The following SYNPO2 variants were observed in gnomAD, a reference collection of about 807,000 sequenced individuals.
SYNPO2 encodes synaptopodin 2.
A neutral mutation model predicts 85.0 loss-of-function variants in SYNPO2; 56 were observed. The observed-to-expected ratio is 0.66, with a 90% CI of 0.53 to 0.82. The LOEUF (loss-of-function observed/expected upper bound fraction) is 0.82. Ranked by LOEUF, SYNPO2 falls within the 40% of genes least tolerant of loss-of-function variation. The pLI, the probability that SYNPO2 is intolerant of heterozygous loss-of-function variation, is 0.00. For missense variants in SYNPO2, 1,575 were observed against 1,534.2 expected, an observed-to-expected ratio of 1.03 and a Z score of -0.44; for synonymous variants, 602 against 591.1, an observed-to-expected ratio of 1.02 and a Z score of -0.27.
chr4:118,900,685 C>G (rs918251658), intron 1 of SYNPO2, among the ~76,000 whole-genome samples: 1 of 43,766 alleles, frequency 2.3e-5, no homozygotes, highest in Non-Finnish European at 5.4e-5. Context: ...CTCTCTCTCT[C>G]TCTCTCTCTC....
At chr4:118,866,217 T>C (rs1294430714) in intron 1 of SYNPO2, among the ~76,000 whole-genome samples, 1 of 152,164 alleles carries the variant, frequency 6.6e-6, no homozygotes, top group Non-Finnish European at 1.5e-5. Context: ...TGTGAGCCCA[T>C]TGTGTGCATT....
rs1738225206 is a variant in SYNPO2 at position 119,031,016 on chromosome 4, A to G, written c.2241A>G (p.Gln747=). 1.2e-6 allele frequency: 2 copies of G among 1,613,776 alleles called. No homozygotes were observed. Among genetic ancestry groups the G allele is most frequent in the African/African-American group, 2.7e-5 (2 of 74,806 alleles). ...SLGAEACNFM[Q]SSSAKQKTPP... ...GGGCAGAGGCTTGTAATTTCATGCA[A>G]AGCTCCTCTGCCAAACAAAAGACCC... Residue 747 remains glutamine (Q), a synonymous_variant, in exon 4 of 5, where the codon CAA becomes CAG. Transcript: ENST00000307142.
chr4:119,007,201 C>A (rs1316541257), intron 1 of SYNPO2, among the ~76,000 whole-genome samples: 1 of 94,882 alleles, frequency 1.1e-5, no homozygotes, highest in Non-Finnish European at 2.2e-5. Flanking sequence ...ATTCCCAAAA[C>A]AAAAAAGAAC....
chr4:119,030,568 A>T lies in SYNPO2; in HGVS notation c.1793A>T (p.Gln598Leu). The stretch of plus-strand genomic sequence containing the variant: ...AAACCCTTCCCAGGGTCTGTGAATC[A>T]GCCAGCTACCCCCTTCTCGCCAACC... ...TAKPFPGSVN[Q>L]PATPFSPTRN... Residue 598 changes from glutamine to leucine, a missense_variant, in exon 4 of 5, where the codon CAG (glutamine) becomes CTG (leucine). Around this residue, in one of 3 missense-constraint regions of SYNPO2, gnomAD observed 1,508 missense variants for 1,446.8 expected, o/e 1.04. Coordinates refer to ENST00000307142, the MANE Select transcript of SYNPO2 (RefSeq NM_133477.3). 1 of 1,614,190 alleles carries T rather than the reference A, an allele frequency of 6.2e-7. No homozygotes were observed. Among genetic ancestry groups the T allele is most frequent in the Non-Finnish European group, 8.5e-7 (1 of 1,180,044 alleles).
At chr4:118,927,769 A>AGAT (rs1449638730) in intron 1 of SYNPO2, among the ~76,000 whole-genome samples, 17 of 44,756 alleles carry the variant, frequency 3.8e-4, no homozygotes, top group East Asian at 2.5e-3. Context: ...ATATATAGAT[A>AGAT]GATAGATGAT....
intron 1 of SYNPO2, among the ~76,000 whole-genome samples, chr4:118,875,873 T>C (rs565386981): frequency 1.3e-5 from 2 of 152,352 alleles, no homozygotes; most frequent in East Asian, 1.9e-4. Context: ...ATTTCTTCAA[T>C]GGGCAGTGGC....
At chr4:118,902,571 C>T (rs969051029) in intron 1 of SYNPO2, among the ~76,000 whole-genome samples, 7 of 152,140 alleles carry the variant, frequency 4.6e-5, no homozygotes, top group Admixed American at 4.6e-4. Context: ...CCTCCCATAA[C>T]ATGTGGGAAT....
intron 1 of SYNPO2, among the ~76,000 whole-genome samples, chr4:118,909,460 C>A (rs1733060091): frequency 6.6e-6 from 1 of 152,130 alleles, no homozygotes; most frequent in South Asian, 2.1e-4. Context: ...CAGGAACACT[C>A]CAGTGGAGAG....
intron 4 of SYNPO2, chr4:119,032,615 GT>G (rs1738328432): frequency 1.0e-6 from 1 of 990,490 alleles, no homozygotes; most frequent in Admixed American, 5.7e-5. Flanking sequence ...AATGTATATA[GT>G]TTAGTAAGAA....
intron 1 of SYNPO2, among the ~76,000 whole-genome samples, chr4:118,875,160 C>T (rs955780574): frequency 3.3e-5 from 5 of 152,218 alleles, no homozygotes; most frequent in African/African-American, 1.2e-4. Flanking sequence ...CTTCCAGCTC[C>T]ATCCATGTCC....
At chr4:118,923,394 A>T (rs888991108) in intron 1 of SYNPO2, among the ~76,000 whole-genome samples, 1 of 152,092 alleles carries the variant, frequency 6.6e-6, no homozygotes, top group African/African-American at 2.4e-5. Context: ...GGCCTATTTG[A>T]GGATGGATTG....
intron 1 of SYNPO2, among the ~76,000 whole-genome samples, chr4:118,950,465 A>G (rs924126096): frequency 2.6e-5 from 4 of 152,238 alleles, no homozygotes; most frequent in Non-Finnish European, 5.9e-5. Flanking sequence ...TTCTACAGGA[A>G]GGAATGCGCC....
chr4:119,037,658 T>C, intron 4 of SYNPO2: 1 of 984,900 alleles, frequency 1.0e-6, no homozygotes, highest in Non-Finnish European at 1.2e-6. Flanking sequence ...AGTTAATGTA[T>C]TAAGTTTCTA....
chr4:118,935,201 A>G (rs1271113856), intron 1 of SYNPO2, among the ~76,000 whole-genome samples: 1 of 152,146 alleles, frequency 6.6e-6, no homozygotes, highest in Non-Finnish European at 1.5e-5. Flanking sequence ...GAAGTAGTTT[A>G]TTGCTATATG....
intron 1 of SYNPO2, among the ~76,000 whole-genome samples, chr4:118,898,095 C>T (rs1365864708): frequency 6.6e-6 from 1 of 152,094 alleles, no homozygotes; most frequent in Non-Finnish European, 1.5e-5. Flanking sequence ...TCCATGTCTT[C>T]TTGAAAACTA....
Position 119,059,297 on chromosome 4 carries a change from C to T in SYNPO2, c.*1363C>T, listed in dbSNP as rs1031205939. 7.9e-5 allele frequency: 12 copies of T among 152,102 alleles called. No homozygotes were observed. Among genetic ancestry groups the T allele is most frequent in the Non-Finnish European group, 1.6e-4 (11 of 68,018 alleles). 9.4% of individuals were successfully genotyped at this position (152,102 alleles called of 1,614,324 possible). On this transcript the variant is annotated 3_prime_UTR_variant, in exon 5 of 5. Transcript: ENST00000307142. ...ATAAATATGTCTGTTATTATGCAAT[C>T]GTAGGTCATGATAATTTATTCAGTT...
chr4:119,034,607 C>T, intron 4 of SYNPO2: 1 of 985,440 alleles, frequency 1.0e-6, no homozygotes, highest in South Asian at 4.7e-5. Flanking sequence ...CATCTTGGAC[C>T]ATACAGTCCC....
chr4:118,868,067 A>G (rs1731733147), intron 1 of SYNPO2, among the ~76,000 whole-genome samples: 1 of 150,562 alleles, frequency 6.6e-6, no homozygotes, highest in South Asian at 2.1e-4. Flanking sequence ...AAAAAAAACT[A>G]CGTATTTAAT....
intron 1 of SYNPO2, among the ~76,000 whole-genome samples, chr4:118,903,869 T>G (rs1732839925): frequency 6.6e-6 from 1 of 151,442 alleles, no homozygotes; most frequent in African/African-American, 2.4e-5. Context: ...CATGCCACCA[T>G]GCCCAGCTAA....
Sources: gnomAD v4.1 joint callset for allele counts (sites outside exome capture counted in the v4.1 genomes callset) on GRCh38, gnomAD v4.1.1 for gene constraint, gnomAD v4.1.1 regional missense constraint, MANE v1.5 for transcripts, NCBI Gene and HGNC (gene_info 2026-07-23, HGNC 2026-07-21) for gene names.